CLIC5: variants seen among roughly 807,000 people sequenced by gnomAD.
CLIC5 encodes the protein CLIC family member 5.
CLIC5 carries 20 observed loss-of-function variants against 24.7 expected under a neutral mutation model. The observed-to-expected ratio is 0.81, with a 90% CI of 0.57 to 1.18. The LOEUF is 1.18. CLIC5 is among the 50% of genes most tolerant of loss of function. CLIC5 has a pLI of 0.00. For synonymous variants in CLIC5, 159 were observed against 135.6 expected (o/e 1.17, Z -1.20); for missense variants, 341 against 326.1 (o/e 1.05, Z -0.35).
chr6:45,982,322 C>T (rs1765595007), intron 1 of CLIC5, among the ~76,000 whole-genome samples: 2 of 152,088 alleles, frequency 1.3e-5, no homozygotes, highest in African/African-American at 4.8e-5. Flanking sequence ...TTGTTCATCT[C>T]TAAGGCATTT....
chr6:45,999,998 C>T lies in CLIC5; in HGVS notation c.63+15482G>A, dbSNP rs1428498038. On this transcript the variant is annotated intron_variant, in intron 1 of 5. Transcript: ENST00000339561. ...ATCTCCTGACCTCATGATCCACCCGCCTCGGCCTCCCAAAGTGCTGGGATT... is the reference window on the plus strand; with the variant it reads ...ATCTCCTGACCTCATGATCCACCCGTCTCGGCCTCCCAAAGTGCTGGGATT... Among the ~76,000 whole-genome samples, 2 of 26,140 alleles carry T rather than the reference C, an allele frequency of 7.7e-5. 1 individual carries two copies. The highest frequency in any genetic ancestry group is 7.8e-3 in the East Asian group (2 of 258). The allele number at this position is 26,140 out of a possible 152,430, so 17.1% of individuals were successfully genotyped here.
Position 45,976,572 on chromosome 6 carries a change from C to T in CLIC5, c.64-21328G>A, listed in dbSNP as rs140271655. Among the ~76,000 whole-genome samples, 441 of 152,226 alleles carry T rather than the reference C, an allele frequency of 2.9e-3. 1 individual carries two copies. Among genetic ancestry groups the T allele is most frequent in the African/African-American group, 9.5e-3 (394 of 41,532 alleles). On this transcript the variant is annotated intron_variant, in intron 1 of 5. Coordinates refer to ENST00000339561, the MANE Select transcript of CLIC5 (RefSeq NM_016929.5). Reference sequence around the variant, plus strand: ...GGTGCAAACGTAATTGCTGTTTTTGCCATTACTTTTAATGGCAAACTCATT... The same window carrying T: ...GGTGCAAACGTAATTGCTGTTTTTGTCATTACTTTTAATGGCAAACTCATT...
At position 45,900,121 on chromosome 6, in the gene CLIC5, G is replaced by A. The variant is rs1762471463; in HGVS notation, c.*2967C>T. ...CCTTCTCTCTGGGCCAAACTCAGAA[G>A]CAGGCATTGCTGACTAGACAGTGAA... is the stretch of plus-strand genomic sequence containing the variant. On this transcript the variant is annotated 3_prime_UTR_variant, in exon 6 of 6. Coordinates refer to ENST00000339561, the MANE Select transcript of CLIC5 (RefSeq NM_016929.5). The A allele has an allele frequency of 6.6e-6, 1 of 152,140 alleles. No individual in the cohort carries two copies. Among genetic ancestry groups the A allele is most frequent in the Admixed American group, 6.5e-5 (1 of 15,272 alleles). The allele number at this position is 152,140 out of a possible 1,614,324, so 9.4% of individuals were successfully genotyped here.
intron 4 of CLIC5, among the ~76,000 whole-genome samples, chr6:45,917,548 C>G (rs1369185155): frequency 6.6e-6 from 1 of 152,156 alleles, no homozygotes; most frequent in African/African-American, 2.4e-5. Flanking sequence ...ACAGCCAAAG[C>G]CCTGTTCCTT....
chr6:45,979,050 A>C (rs1765481672), intron 1 of CLIC5, among the ~76,000 whole-genome samples: 1 of 152,058 alleles, frequency 6.6e-6, no homozygotes, highest in African/African-American at 2.4e-5. Context: ...ACAGGGTGGG[A>C]TACACAACAG....
chr6:45,947,171 G>A (rs560376971), intron 3 of CLIC5, among the ~76,000 whole-genome samples: 2 of 152,322 alleles, frequency 1.3e-5, no homozygotes, highest in East Asian at 3.9e-4. Flanking sequence ...GACGCATGGG[G>A]CATACAATTC....
At chr6:45,941,427 A>T in intron 4 of CLIC5, 120 bp downstream of exon 4, 1 of 776,742 alleles carries the variant, frequency 1.3e-6, no homozygotes. Flanking sequence ...AATAATAAGC[A>T]GTATTGGTTC....
At chr6:46,105,585 G>T in the CLIC5 span, among the ~76,000 whole-genome samples, 1 of 152,098 alleles carries the variant, frequency 6.6e-6, no homozygotes, top group Non-Finnish European at 1.5e-5. Context: ...ATCTAGAAGG[G>T]AGTGCTAGTG....
At chr6:45,995,326 T>A (rs1766095367) in intron 1 of CLIC5, among the ~76,000 whole-genome samples, 1 of 152,286 alleles carries the variant, frequency 6.6e-6, no homozygotes. Context: ...CAATGTTAGC[T>A]GTCATTACTA....
chr6:45,887,371 A>G (rs1038526943), intron 6 of CLIC5, among the ~76,000 whole-genome samples: 1 of 152,098 alleles, frequency 6.6e-6, no homozygotes, highest in African/African-American at 2.4e-5. Context: ...TTGTGGCAGC[A>G]CTTCAATTTC....
chr6:46,054,677 G>C (rs770311106), intron 1 of CLIC5, among the ~76,000 whole-genome samples: 52 of 152,320 alleles, frequency 3.4e-4, no homozygotes, highest in South Asian at 8.3e-4. Context: ...GAGGCCATAG[G>C]GCGGGGGCCT....
At position 45,900,477 on chromosome 6, in the gene CLIC5, T is replaced by TA. The variant is rs1028152044; in HGVS notation, c.*2610dup. The TA allele has an allele frequency of 4.4e-5, 6 of 136,778 alleles. No individual in the cohort carries two copies. The highest frequency in any genetic ancestry group is 1.5e-5 in the Non-Finnish European group (1 of 66,200). The allele number at this position is 136,778 out of a possible 1,614,324, so 8.5% of individuals were successfully genotyped here. A position where few individuals can be genotyped will look rare whatever the true frequency, so the allele number is the denominator to read the frequency against. ...TTGCTGAGACATGATGTGCTGCACATATGATAAGAAGGCCAGACAGGCTGA... is the reference window on the plus strand; with the variant it reads ...TTGCTGAGACATGATGTGCTGCACATAATGATAAGAAGGCCAGACAGGCTGA... On this transcript the variant is annotated 3_prime_UTR_variant, in exon 6 of 6. Transcript: ENST00000339561.
At chr6:46,005,491 C>T (rs1289600622) in intron 1 of CLIC5, among the ~76,000 whole-genome samples, 2 of 152,190 alleles carry the variant, frequency 1.3e-5, no homozygotes, top group Admixed American at 1.3e-4. Context: ...TAATTAAGCA[C>T]TTCCCTCTTT....
At chr6:46,046,812 G>C (rs1767966601) in intron 1 of CLIC5, among the ~76,000 whole-genome samples, 1 of 152,198 alleles carries the variant, frequency 6.6e-6, no homozygotes, top group Non-Finnish European at 1.5e-5. Context: ...TGCATGCCTG[G>C]AGGAAGTGTG....
At chr6:46,007,106 T>C (rs1196914295) in intron 1 of CLIC5, among the ~76,000 whole-genome samples, 2 of 152,182 alleles carry the variant, frequency 1.3e-5, no homozygotes, top group African/African-American at 4.8e-5. Flanking sequence ...GCCCCTGTGA[T>C]CCTCAGCTCT....
At chr6:46,002,912 C>T (rs1766412758) in intron 1 of CLIC5, among the ~76,000 whole-genome samples, 1 of 152,186 alleles carries the variant, frequency 6.6e-6, no homozygotes, top group Non-Finnish European at 1.5e-5. Flanking sequence ...CCCTCTTGCT[C>T]GCCATTGGGA....
intron 5 of CLIC5, chr6:45,913,918 T>C (rs1031297832): frequency 2.8e-6 from 2 of 703,110 alleles, no homozygotes; most frequent in Non-Finnish European, 4.0e-6. Context: ...TATGACTGTA[T>C]ACAACAACGA....
rs542140090 is a variant in CLIC5 at position 45,917,093 on chromosome 6, C to T, written c.407-2684G>A. On this transcript the variant is annotated intron_variant, in intron 4 of 5. Transcript: ENST00000339561. Reference sequence around the variant, plus strand: ...CCTTCCAAGCGCTTGGATCTGATTTCAAGAATTCTGTATTGGTACTTATTG... The same window carrying T: ...CCTTCCAAGCGCTTGGATCTGATTTTAAGAATTCTGTATTGGTACTTATTG... Among the ~76,000 whole-genome samples the T allele has an allele frequency of 1.6e-4, 25 of 152,274 alleles. No homozygotes were observed. The South Asian group carries it at 4.8e-3, about 29-fold the overall frequency.
At chr6:46,049,917 G>A (rs1768057532) in intron 1 of CLIC5, among the ~76,000 whole-genome samples, 1 of 152,158 alleles carries the variant, frequency 6.6e-6, no homozygotes, top group African/African-American at 2.4e-5. Flanking sequence ...AAGCTAATGT[G>A]TACTGTGAAT....
Sources: allele counts gnomAD v4.1 joint callset (sites outside exome capture counted in the v4.1 genomes callset), GRCh38; gene constraint gnomAD v4.1.1; transcripts MANE v1.5; gene names NCBI Gene and HGNC (gene_info 2026-07-23, HGNC 2026-07-21).